Variants in NACC2 observed in about 807,000 individuals in gnomAD.
NACC2 encodes NACC family member 2.
Under a neutral mutation model 25.1 loss-of-function variants are expected in NACC2, and 8 were observed. That is an observed-to-expected ratio of 0.32 (90% CI 0.19 to 0.57). NACC2 has a LOEUF of 0.57. Ranked by LOEUF, NACC2 falls within the 20% of genes least tolerant of loss-of-function variation. The pLI is 0.89. For synonymous variants in NACC2, 435 were observed against 294.7 expected, an observed-to-expected ratio of 1.48 and a Z score of -4.88; for missense variants, 644 against 650.2, an observed-to-expected ratio of 0.99 and a Z score of 0.10.
chr9:136,031,036 T>C (rs190635576), intron 2 of NACC2, among the ~76,000 whole-genome samples: 27 of 152,170 alleles, frequency 1.8e-4, no homozygotes, highest in Admixed American at 1.7e-3. Flanking sequence ...CAAGAGGAAA[T>C]AGATTATGTG....
chr9:136,063,184 C>T (rs185020580), intron 1 of NACC2, among the ~76,000 whole-genome samples: 4 of 152,316 alleles, frequency 2.6e-5, no homozygotes, highest in Admixed American at 1.3e-4. Flanking sequence ...ATTCCCATTA[C>T]GTGGCGGGGA....
intron 5 of NACC2, among the ~76,000 whole-genome samples, chr9:136,012,860 G>A (rs1349121908): frequency 6.6e-6 from 1 of 152,210 alleles, no homozygotes; most frequent in Non-Finnish European, 1.5e-5. Flanking sequence ...GCGGGAGGCA[G>A]AAGCCGGCCG....
chr9:136,028,763 C>T (rs1403597464), intron 2 of NACC2, among the ~76,000 whole-genome samples: 2 of 152,240 alleles, frequency 1.3e-5, no homozygotes, highest in African/African-American at 4.8e-5. Flanking sequence ...CCCCTGCCTG[C>T]ACAGGCTCAG....
rs10125541 is a variant in NACC2 at position 136,018,263 on chromosome 9, G to A, written c.887-1834C>T. Among the ~76,000 whole-genome samples, 33,133 of 151,956 alleles carry A rather than the reference G, an allele frequency of 0.22. 5,491 individuals are homozygous for A. Among genetic ancestry groups the A allele is most frequent in the African/African-American group, 0.46 (18,888 of 41,404 alleles). The stretch of plus-strand genomic sequence containing the variant: ...TACAGGGGTGGCTGAGCCTCGGGGC[G>A]TGGGGGGGCTGCCAAGGGGGCTGCT... On this transcript the variant is annotated intron_variant, in intron 2 of 5. Transcript: ENST00000277554. The surrounding 1 kb of genome is among the most constrained non-coding windows in gnomAD (Gnocchi z 4.4).
chr9:136,024,489 T>C (rs1588561043), intron 2 of NACC2, among the ~76,000 whole-genome samples: 1 of 112,574 alleles, frequency 8.9e-6, no homozygotes, highest in Non-Finnish European at 1.9e-5. Context: ...GAGGACAGTG[T>C]GTGTGAGGAC....
rs540334446 is a variant in NACC2 at position 136,013,119 on chromosome 9, G to A, written c.1255+80C>T. On this transcript the variant is annotated intron_variant, in intron 5 of 5. Coordinates refer to ENST00000277554, the MANE Select transcript of NACC2 (RefSeq NM_144653.5). The surrounding 1 kb of genome is among the most constrained non-coding windows in gnomAD (Gnocchi z 6.6). ...GCTGCAGGTGGCCGGGAGCACCCCC[G>A]CGGCCCACCCAGTCCTCCTCAGGCT... is the stretch of plus-strand genomic sequence containing the variant. 1.6e-4 allele frequency: 210 copies of A among 1,275,872 alleles called. 3 individuals carry two copies. In the East Asian group the frequency reaches 3.0e-3, roughly 18 times the overall value. The allele number at this position is 1,275,872 out of a possible 1,614,324, so 79.0% of individuals were successfully genotyped here.
At chr9:136,077,329 C>CA (rs1298213636) in intron 1 of NACC2, among the ~76,000 whole-genome samples, 1 of 152,060 alleles carries the variant, frequency 6.6e-6, no homozygotes, top group Non-Finnish European at 1.5e-5. Context: ...GACTCCGTCT[C>CA]AAAAAACAAA....
At chr9:136,053,438 C>T (rs906300642) in intron 1 of NACC2, among the ~76,000 whole-genome samples, 3 of 152,250 alleles carry the variant, frequency 2.0e-5, no homozygotes, top group Non-Finnish European at 2.9e-5. Flanking sequence ...CGTCCCCACT[C>T]GGCCATGCTG....
chr9:136,071,734 A>G (rs1158664224), intron 1 of NACC2, among the ~76,000 whole-genome samples: 1 of 152,176 alleles, frequency 6.6e-6, no homozygotes, highest in Non-Finnish European at 1.5e-5. Context: ...ACTGTGTGGT[A>G]TGGACAGAGG....
intron 1 of NACC2, among the ~76,000 whole-genome samples, chr9:136,075,270 G>A (rs116647079): frequency 0.056 from 8,551 of 152,320 alleles, 273 homozygotes; most frequent in African/African-American, 0.073. Flanking sequence ...GGTCCAGTCC[G>A]GCACTGACCG....
rs1008542936 is a variant in NACC2, at chr9:136,037,979, G to T, written c.886+11657C>A. On this transcript the variant is annotated intron_variant, in intron 2 of 5. Coordinates refer to ENST00000277554, the MANE Select transcript of NACC2 (RefSeq NM_144653.5). ...CCAGTGAATGCGTACACAAATTGTG[G>T]TGTGGCCATACAATGGAATACTACT... is the stretch of plus-strand genomic sequence containing the variant. 5.6e-4 allele frequency among the ~76,000 whole-genome samples: 86 copies of T among 152,246 alleles called. No individual in the cohort carries two copies. The South Asian group carries it at 0.018, about 31-fold the overall frequency.
chr9:136,027,632 GA>G lies in NACC2; in HGVS notation c.887-11204del, dbSNP rs535355046. 6.0e-5 allele frequency among the ~76,000 whole-genome samples: 9 copies of G among 150,306 alleles called. No individual in the cohort carries two copies. In the South Asian group the frequency reaches 8.4e-4, roughly 14 times the overall value. On this transcript the variant is annotated intron_variant, in intron 2 of 5. Coordinates refer to ENST00000277554, the MANE Select transcript of NACC2 (RefSeq NM_144653.5). ...TGCTACATAACACAAGGGCAAAAGG[GA>G]AAAAAAAATCACAAATGACTAGAAA...
Position 136,019,638 on chromosome 9 carries a change from G to C in NACC2, c.887-3209C>G, listed in dbSNP as rs10745379. Among the ~76,000 whole-genome samples, 1 of 152,002 alleles carries C rather than the reference G, an allele frequency of 6.6e-6. No individual in the cohort carries two copies. The highest frequency in any genetic ancestry group is 1.5e-5 in the Non-Finnish European group (1 of 67,994). On this transcript the variant is annotated intron_variant, in intron 2 of 5. Transcript: ENST00000277554. The surrounding 1 kb of genome is among the most constrained non-coding windows in gnomAD (Gnocchi z 5.2). ...CACAGGGAAGGTGCACCAGGGTCAC[G>C]ACGAGAGGGCCCGGAGCAGCAGCCT...
intron 1 of NACC2, among the ~76,000 whole-genome samples, chr9:136,079,325 C>T (rs1377722458): frequency 2.0e-5 from 3 of 152,176 alleles, no homozygotes; most frequent in Non-Finnish European, 4.4e-5. Context: ...CACCTTCAGG[C>T]CTGATGGAAC....
At chr9:136,061,992 C>T (rs903263680) in intron 1 of NACC2, among the ~76,000 whole-genome samples, 1 of 152,032 alleles carries the variant, frequency 6.6e-6, no homozygotes, top group Non-Finnish European at 1.5e-5. Flanking sequence ...TGGTGGTGTG[C>T]ACCTGTAATC....
chr9:136,073,723 T>C (rs1350822999), intron 1 of NACC2, among the ~76,000 whole-genome samples: 4 of 152,342 alleles, frequency 2.6e-5, no homozygotes, highest in East Asian at 3.9e-4. Context: ...GCTGCGTGTG[T>C]GCTACAATTT....
chr9:136,039,297 T>G (rs1205359828), intron 2 of NACC2, among the ~76,000 whole-genome samples: 3 of 152,192 alleles, frequency 2.0e-5, no homozygotes, highest in Non-Finnish European at 4.4e-5. Context: ...GTAATTAAAG[T>G]CAATTGTAAT....
chr9:136,069,053 T>C (rs1471794311), intron 1 of NACC2, among the ~76,000 whole-genome samples: 2 of 151,420 alleles, frequency 1.3e-5, no homozygotes, highest in African/African-American at 4.9e-5. Context: ...ATTAAAGGCA[T>C]GTGCCACCAC....
At chr9:136,036,609 A>G (rs1382350611) in intron 2 of NACC2, among the ~76,000 whole-genome samples, 1 of 152,220 alleles carries the variant, frequency 6.6e-6, no homozygotes, top group Non-Finnish European at 1.5e-5. Context: ...TGATCAGAGC[A>G]TTATAAAACA....
Sources: gnomAD v4.1 joint callset for allele counts (sites outside exome capture counted in the v4.1 genomes callset) on GRCh38, gnomAD v4.1.1 for gene constraint, Gnocchi (gnomAD v3.1) non-coding constraint, MANE v1.5 for transcripts, NCBI Gene and HGNC (gene_info 2026-07-23, HGNC 2026-07-21) for gene names.